The following LRRIQ1 variants were observed in gnomAD, a reference collection of about 807,000 sequenced individuals.
LRRIQ1 encodes the protein leucine rich repeats and IQ motif containing 1, also known as leucine-rich repeat- and IQ domain-containing protein 1.
Under a neutral mutation model 211.9 loss-of-function variants are expected in LRRIQ1, and 210 were observed. The observed-to-expected ratio is 0.99, with a 90% CI of 0.89 to 1.11. The LOEUF is 1.11. LRRIQ1 is among the 50% of genes most tolerant of loss of function. The pLI is 0.00. For synonymous variants in LRRIQ1, 699 were observed against 650.1 expected, an observed-to-expected ratio of 1.08 and a Z score of -1.14; for missense variants, 2,136 against 1,939.5, an observed-to-expected ratio of 1.10 and a Z score of -1.90.
downstream of LRRIQ1, among the ~76,000 whole-genome samples, chr12:85,266,476 C>A (rs1896423127): frequency 1.3e-5 from 2 of 152,110 alleles, no homozygotes; most frequent in Non-Finnish European, 2.9e-5. Flanking sequence ...CTCACACTTC[C>A]TTTTCAAATA....
intron 25 of LRRIQ1, among the ~76,000 whole-genome samples, chr12:85,230,739 T>C (rs1355194051): frequency 6.6e-6 from 1 of 152,176 alleles, no homozygotes; most frequent in Non-Finnish European, 1.5e-5. Context: ...AAAAGTGTTA[T>C]TATAGGCATT....
At chr12:85,061,785 C>T (rs942302567) in intron 8 of LRRIQ1, among the ~76,000 whole-genome samples, 1 of 151,460 alleles carries the variant, frequency 6.6e-6, no homozygotes, top group Non-Finnish European at 1.5e-5. Context: ...AAGTTATCTC[C>T]CTACAAATTG....
At chr12:85,054,007 G>T (rs902846373) in intron 7 of LRRIQ1, among the ~76,000 whole-genome samples, 6 of 152,212 alleles carry the variant, frequency 3.9e-5, no homozygotes, top group Non-Finnish European at 7.3e-5. Flanking sequence ...CCTTAACAAT[G>T]TAAAGATATG....
At chr12:85,239,833 C>T (rs1234977201) in intron 26 of LRRIQ1, among the ~76,000 whole-genome samples, 1 of 151,944 alleles carries the variant, frequency 6.6e-6, no homozygotes, top group Non-Finnish European at 1.5e-5. Flanking sequence ...CAAAAATTAG[C>T]TGGGCATGGT....
chr12:85,060,769 T>A (rs1427143133), intron 8 of LRRIQ1, among the ~76,000 whole-genome samples: 1 of 151,888 alleles, frequency 6.6e-6, no homozygotes, highest in East Asian at 1.9e-4. Flanking sequence ...AAAATAGACT[T>A]GTTGCTTGCA....
chr12:85,260,211 TTGAGA>T (rs1195322207), intron 1 of LRRIQ1, among the ~76,000 whole-genome samples: 1 of 149,864 alleles, frequency 6.7e-6, no homozygotes, highest in African/African-American at 2.5e-5. Flanking sequence ...GAAGGCTGAG[TTGAGA>T]TGAGAGGATC....
At chr12:85,143,218 G>A (rs1889662782) in intron 19 of LRRIQ1, among the ~76,000 whole-genome samples, 1 of 151,616 alleles carries the variant, frequency 6.6e-6, no homozygotes, top group Non-Finnish European at 1.5e-5. Context: ...AAGCTGTTAA[G>A]CATTTTTTCA....
At chr12:85,259,533 C>T (rs960898781) in intron 1 of LRRIQ1, among the ~76,000 whole-genome samples, 3 of 152,044 alleles carry the variant, frequency 2.0e-5, no homozygotes, top group African/African-American at 7.2e-5. Context: ...ACAAAAAACT[C>T]TCACTAAATG....
intron 1 of LRRIQ1, among the ~76,000 whole-genome samples, chr12:85,253,831 T>G (rs1896014885): frequency 6.6e-6 from 1 of 152,056 alleles, no homozygotes; most frequent in African/African-American, 2.4e-5. Flanking sequence ...ATCAGTGAAT[T>G]TACCTGCCCA....
intron 25 of LRRIQ1, 144 bp downstream of exon 25, chr12:85,229,793 T>A (rs1894846894): frequency 1.4e-6 from 1 of 698,654 alleles, no homozygotes; most frequent in Non-Finnish European, 2.3e-6. Flanking sequence ...AGGCCTTTCA[T>A]ATAGAATAGA....
chr12:85,154,388 T>C (rs1890430634), intron 23 of LRRIQ1, among the ~76,000 whole-genome samples: 1 of 151,372 alleles, frequency 6.6e-6, no homozygotes, highest in Non-Finnish European at 1.5e-5. Flanking sequence ...CTGGTTCATT[T>C]TGGCAAATGT....
intron 24 of LRRIQ1, among the ~76,000 whole-genome samples, chr12:85,214,181 A>G (rs1027360736): frequency 6.6e-6 from 1 of 152,048 alleles, no homozygotes; most frequent in Non-Finnish European, 1.5e-5. Flanking sequence ...CAAGAGATGC[A>G]TAAGACCTTA....
chr12:85,076,404 T>C (rs1343714127), intron 11 of LRRIQ1, among the ~76,000 whole-genome samples: 1 of 152,050 alleles, frequency 6.6e-6, no homozygotes, highest in Non-Finnish European at 1.5e-5. Flanking sequence ...TCATGATGTA[T>C]CTGTTTCTGT....
chr12:85,083,367 T>G (rs1884489672), intron 11 of LRRIQ1, among the ~76,000 whole-genome samples: 1 of 152,168 alleles, frequency 6.6e-6, no homozygotes, highest in Admixed American at 6.6e-5. Context: ...TTTTTAGTTA[T>G]TTGCAGAGGT....
intron 26 of LRRIQ1, among the ~76,000 whole-genome samples, chr12:85,233,326 T>C (rs1895036320): frequency 6.6e-6 from 1 of 150,732 alleles, no homozygotes; most frequent in Non-Finnish European, 1.5e-5. Context: ...CAATTTGGAG[T>C]CTAGGAAAAC....
intron 11 of LRRIQ1, among the ~76,000 whole-genome samples, chr12:85,079,059 G>T (rs1450828737): frequency 6.6e-6 from 1 of 151,938 alleles, no homozygotes; most frequent in African/African-American, 2.4e-5. Flanking sequence ...AATATCACAA[G>T]TCATGTAGCC....
intron 15 of LRRIQ1, among the ~76,000 whole-genome samples, chr12:85,109,433 T>G (rs1565839031): frequency 6.6e-6 from 1 of 152,162 alleles, no homozygotes; most frequent in Admixed American, 6.6e-5. Flanking sequence ...AGAGCCAGGT[T>G]TCCAAAAAAG....
intron 7 of LRRIQ1, among the ~76,000 whole-genome samples, chr12:85,053,585 C>G (rs1456320683): frequency 6.6e-6 from 1 of 152,206 alleles, no homozygotes; most frequent in African/African-American, 2.4e-5. Flanking sequence ...TGAATCCTGA[C>G]TCTTCCTCCA....
chr12:85,240,223 G>A (rs919384544), intron 26 of LRRIQ1, among the ~76,000 whole-genome samples: 9 of 152,022 alleles, frequency 5.9e-5, no homozygotes, highest in Admixed American at 1.3e-4. Flanking sequence ...AAATGAAAAC[G>A]TGTTCACTTA....
Sources: gnomAD v4.1 joint callset for allele counts (sites outside exome capture counted in the v4.1 genomes callset) on GRCh38, gnomAD v4.1.1 for gene constraint, MANE v1.5 for transcripts, NCBI Gene and HGNC (gene_info 2026-07-23, HGNC 2026-07-21) for gene names.